The following CDC14B variants were observed in gnomAD, a reference collection of about 807,000 sequenced individuals.
CDC14B encodes dual specificity protein phosphatase CDC14B.
In CDC14B, 22 loss-of-function variants were observed where a neutral mutation model predicts 64.2. The observed-to-expected ratio is 0.34, with a 90% CI of 0.24 to 0.49. CDC14B has a LOEUF of 0.49. Among genes scored for constraint, CDC14B ranks in the 20% least tolerant of loss-of-function variants. CDC14B has a pLI of 0.99. For missense variants in CDC14B, 498 were observed against 629.9 expected (o/e 0.79, Z 2.24); for synonymous variants, 191 against 215.8 (o/e 0.89, Z 1.01).
chr9:96,534,066 A>G lies in CDC14B; in HGVS notation c.807T>C (p.Asp269=). 3.7e-6 allele frequency: 6 copies of G among 1,613,060 alleles called. No homozygotes were observed. The highest frequency in any genetic ancestry group is 5.1e-6 in the Non-Finnish European group (6 of 1,179,120). ...TIIRLNKRMY[D]AKRFTDAGFD... ...AGCCAGCATCCGTAAAGCGTTTGGC[A>G]TCATACATCCTTTTATTCAGACGAA... Residue 269 remains aspartate, a synonymous_variant, in exon 9 of 14, where the codon GAT becomes GAC. Coordinates refer to ENST00000375241, the MANE Select transcript of CDC14B (RefSeq NM_033331.4).
chr9:96,598,115 GATA>G (rs771551854), intron 1 of CDC14B, among the ~76,000 whole-genome samples: 32 of 152,118 alleles, frequency 2.1e-4, no homozygotes, highest in Non-Finnish European at 7.4e-5. Flanking sequence ...ATTCATCACA[GATA>G]ATAATGTCAC....
intron 4 of CDC14B, among the ~76,000 whole-genome samples, chr9:96,561,481 C>G (rs1405377871): frequency 1.3e-5 from 2 of 151,582 alleles, no homozygotes; most frequent in Admixed American, 6.6e-5. Context: ...CAAAAACAAC[C>G]CTGTTTTTCT....
At chr9:96,509,601 A>G in intron 13 of CDC14B, 72 bp downstream of exon 13, 1 of 867,014 alleles carries the variant, frequency 1.2e-6, no homozygotes, top group South Asian at 1.4e-5. Context: ...CAGTCTCCAG[A>G]GGTAGGGTCC....
intron 1 of CDC14B, chr9:96,618,648 G>C (rs760137509): frequency 1.9e-6 from 1 of 524,440 alleles, no homozygotes; most frequent in Non-Finnish European, 3.9e-6. Flanking sequence ...GCGCTAGGGG[G>C]CAGGGCGCGG....
intron 1 of CDC14B, among the ~76,000 whole-genome samples, chr9:96,596,050 G>A (rs1426552611): frequency 6.6e-6 from 1 of 152,016 alleles, no homozygotes; most frequent in African/African-American, 2.4e-5. Context: ...GTGAATTAGA[G>A]CTGTTATTTA....
chr9:96,522,825 AG>A (rs16911063), intron 11 of CDC14B, among the ~76,000 whole-genome samples: 9,498 of 152,240 alleles, frequency 0.062, 931 homozygotes, highest in African/African-American at 0.21. Context: ...TCAACAGTGA[AG>A]AGGGTTAATG....
intron 13 of CDC14B, among the ~76,000 whole-genome samples, chr9:96,507,406 A>G (rs1048418696): frequency 6.6e-6 from 1 of 151,034 alleles, no homozygotes; most frequent in African/African-American, 2.4e-5. Flanking sequence ...CATCAACGAT[A>G]GGCTTTTTAT....
At chr9:96,520,823 C>A (rs1836588911) in intron 12 of CDC14B, among the ~76,000 whole-genome samples, 1 of 150,428 alleles carries the variant, frequency 6.6e-6, no homozygotes, top group Admixed American at 6.6e-5. Context: ...CCCCACCCCA[C>A]CAATCATAAC....
chr9:96,544,245 A>G (rs960009982), intron 5 of CDC14B, among the ~76,000 whole-genome samples: 3 of 152,144 alleles, frequency 2.0e-5, no homozygotes, highest in Non-Finnish European at 4.4e-5. Context: ...ATAAAAAAAG[A>G]TTAGTGTTTT....
intron 5 of CDC14B, among the ~76,000 whole-genome samples, chr9:96,542,457 A>G (rs538578936): frequency 1.3e-5 from 2 of 152,272 alleles, no homozygotes; most frequent in African/African-American, 4.8e-5. Context: ...TCGTTATCCT[A>G]AAGACTTTTA....
chr9:96,546,834 G>A lies in CDC14B; in HGVS notation c.498-4942C>T, dbSNP rs970189130. ...TCCCAGCACTTTGGGAACCTGAGGC[G>A]GGAGGATCATGAGGTCAGGAGATTG... On this transcript the variant is annotated intron_variant, in intron 5 of 13. Coordinates refer to ENST00000375241, the MANE Select transcript of CDC14B (RefSeq NM_033331.4). 7.3e-5 allele frequency among the ~76,000 whole-genome samples: 11 copies of A among 151,118 alleles called. No homozygotes were observed. In the South Asian group the frequency reaches 8.4e-4, roughly 12 times the overall value.
intron 1 of CDC14B, among the ~76,000 whole-genome samples, chr9:96,583,225 A>C (rs1845260480): frequency 6.6e-6 from 1 of 152,056 alleles, no homozygotes; most frequent in Non-Finnish European, 1.5e-5. Context: ...ACATATGCAG[A>C]TTTGTCTAAA....
chr9:96,494,697 TTTTCTTTC>T (rs10570858), intron 13 of CDC14B, among the ~76,000 whole-genome samples: 6 of 150,860 alleles, frequency 4.0e-5, no homozygotes, highest in South Asian at 2.1e-4. Flanking sequence ...CTGAGCACTC[TTTTCTTTC>T]TTTCTTTCTT....
At chr9:96,506,901 C>T (rs189093157) in intron 13 of CDC14B, among the ~76,000 whole-genome samples, 9 of 152,350 alleles carry the variant, frequency 5.9e-5, no homozygotes, top group Admixed American at 5.9e-4. Flanking sequence ...TGGCAAGTGC[C>T]AGCCAGGCTC....
intron 5 of CDC14B, 145 bp downstream of exon 5, chr9:96,551,651 C>T: frequency 1.7e-6 from 2 of 1,151,574 alleles, no homozygotes; most frequent in Non-Finnish European, 2.4e-6. Flanking sequence ...AACAGTGTCA[C>T]TGTGGAAAAA....
At chr9:96,553,601 T>C (rs1225967004) in intron 4 of CDC14B, among the ~76,000 whole-genome samples, 1 of 151,982 alleles carries the variant, frequency 6.6e-6, no homozygotes, top group Non-Finnish European at 1.5e-5. Flanking sequence ...CTTCAGGTGA[T>C]CCGCCTGCCT....
rs1254807764 is a variant in CDC14B at position 96,589,794 on chromosome 9, T to TA, written c.161-24312dup. Among the ~76,000 whole-genome samples the TA allele has an allele frequency of 1.4e-4, 21 of 150,618 alleles. 1 individual carries two copies. The highest frequency in any genetic ancestry group is 2.6e-4 in the Admixed American group (4 of 15,098). ...TAACATGGTGAAACCCTGTCTCTACTAAAAAAATACAAAAAAATTAGGCAG... is the reference window on the plus strand; with the variant it reads ...TAACATGGTGAAACCCTGTCTCTACTAAAAAAAATACAAAAAAATTAGGCAG... On this transcript the variant is annotated intron_variant, in intron 1 of 13. Coordinates refer to ENST00000375241, the MANE Select transcript of CDC14B (RefSeq NM_033331.4).
At chr9:96,607,050 T>A (rs557888340) in intron 1 of CDC14B, among the ~76,000 whole-genome samples, 180 of 150,916 alleles carry the variant, frequency 1.2e-3, no homozygotes, top group African/African-American at 4.0e-3. Flanking sequence ...AAAAAAAAAA[T>A]TTAAATAAGA....
At chr9:96,497,300 G>GGGCGGGGAGGCAGA (rs1038211649), downstream of CDC14B, among the ~76,000 whole-genome samples, 1 of 105,330 alleles carries the variant, frequency 9.5e-6, no homozygotes, top group East Asian at 2.0e-4. Context: ...GGGGAGGCAG[G>GGGCGGGGAGGCAGA]GGCGGGGAGG....
Sources: allele counts gnomAD v4.1 joint callset (sites outside exome capture counted in the v4.1 genomes callset), GRCh38; gene constraint gnomAD v4.1.1; transcripts MANE v1.5; gene names NCBI Gene and HGNC (gene_info 2026-07-23, HGNC 2026-07-21).